FAM107B: variants seen among roughly 807,000 people sequenced by gnomAD.
FAM107B encodes the protein family with sequence similarity 107 member B, also known as protein FAM107B.
FAM107B carries 21 observed loss-of-function variants against 31.5 expected under a neutral mutation model. That is an observed-to-expected ratio of 0.67 (90% CI 0.47 to 0.96). FAM107B has a LOEUF of 0.96. FAM107B is among the 40% of genes least tolerant of loss of function. FAM107B has a pLI of 0.00. For synonymous variants in FAM107B, 157 were observed against 141.5 expected (o/e 1.11, Z -0.78); for missense variants, 452 against 377.1 (o/e 1.20, Z -1.64).
intron 1 of FAM107B, among the ~76,000 whole-genome samples, chr10:14,728,608 G>A (rs954517931): frequency 1.3e-5 from 2 of 152,098 alleles, no homozygotes; most frequent in Non-Finnish European, 2.9e-5. Flanking sequence ...GGGTTGGGAG[G>A]TCATATTGTT....
intron 1 of FAM107B, among the ~76,000 whole-genome samples, chr10:14,727,081 T>C (rs1856052287): frequency 6.6e-6 from 1 of 151,950 alleles, no homozygotes; most frequent in African/African-American, 2.4e-5. Flanking sequence ...CAGTTCACAA[T>C]AGGGTTCACG....
chr10:14,717,797 C>T (rs1027933327), intron 1 of FAM107B, among the ~76,000 whole-genome samples: 1 of 152,112 alleles, frequency 6.6e-6, no homozygotes, highest in African/African-American at 2.4e-5. Flanking sequence ...CTAGGCATTC[C>T]TGAATCCAAT....
intron 1 of FAM107B, among the ~76,000 whole-genome samples, chr10:14,739,489 G>A (rs763218515): frequency 3.3e-5 from 5 of 152,188 alleles, no homozygotes; most frequent in South Asian, 2.1e-4. Context: ...ATAACAGCAC[G>A]TTGGGGAAAC....
chr10:14,551,859 G>A (rs10906695), intron 2 of FAM107B, among the ~76,000 whole-genome samples: 121,769 of 151,886 alleles, frequency 0.8, 49,311 homozygotes, highest in East Asian at 0.89. Context: ...ATTCTCCCCA[G>A]TTCTCCCCCA....
chr10:14,574,315 C>T (rs946875552), intron 2 of FAM107B, among the ~76,000 whole-genome samples: 11 of 152,192 alleles, frequency 7.2e-5, no homozygotes, highest in African/African-American at 2.7e-4. Flanking sequence ...TATAATCTAT[C>T]CAATATCTCA....
chr10:14,575,507 A>G (rs1424862798), intron 2 of FAM107B, among the ~76,000 whole-genome samples: 2 of 152,116 alleles, frequency 1.3e-5, no homozygotes, highest in African/African-American at 4.8e-5. Context: ...CCGGCCAAGA[A>G]GCTTTTCAAT....
chr10:14,688,128 C>T (rs568772982), intron 1 of FAM107B, among the ~76,000 whole-genome samples: 5 of 152,318 alleles, frequency 3.3e-5, no homozygotes, highest in African/African-American at 9.6e-5. Flanking sequence ...TTCCAGCCTT[C>T]GTTTCTCTCC....
chr10:14,723,105 G>T (rs141504873), intron 1 of FAM107B: 6 of 385,636 alleles, frequency 1.6e-5, no homozygotes, highest in Non-Finnish European at 3.0e-5. Flanking sequence ...TTTCTTAAGA[G>T]ATTGATGTTT....
At chr10:14,703,072 C>T (rs866414586) in intron 1 of FAM107B, among the ~76,000 whole-genome samples, 2 of 152,174 alleles carry the variant, frequency 1.3e-5, no homozygotes, top group East Asian at 1.9e-4. Context: ...TATTGCCCCT[C>T]AACCAAAGTA....
At chr10:14,734,299 G>A (rs764510501) in intron 1 of FAM107B, among the ~76,000 whole-genome samples, 7 of 152,016 alleles carry the variant, frequency 4.6e-5, no homozygotes, top group Admixed American at 2.0e-4. Context: ...GAACTGTCCC[G>A]CACCAACTGC....
intron 2 of FAM107B, among the ~76,000 whole-genome samples, chr10:14,589,261 G>C (rs1284605358): frequency 1.3e-5 from 2 of 151,852 alleles, no homozygotes; most frequent in Non-Finnish European, 2.9e-5. Flanking sequence ...CTGTAGGTTG[G>C]CATAGGACAT....
intron 2 of FAM107B, among the ~76,000 whole-genome samples, chr10:14,655,042 T>C (rs550777663): frequency 2.6e-5 from 4 of 152,302 alleles, no homozygotes; most frequent in African/African-American, 7.2e-5. Context: ...TGTACAAGCA[T>C]GGCACCAGCA....
chr10:14,706,322 A>C (rs1271038026), intron 1 of FAM107B, among the ~76,000 whole-genome samples: 1 of 151,938 alleles, frequency 6.6e-6, no homozygotes, highest in African/African-American at 2.4e-5. Context: ...TTTTTAAGAC[A>C]GCTAAAGTAT....
At chr10:14,585,657 G>A (rs974368730) in intron 2 of FAM107B, among the ~76,000 whole-genome samples, 1 of 152,214 alleles carries the variant, frequency 6.6e-6, no homozygotes, top group Non-Finnish European at 1.5e-5. Context: ...AAAGTGTGGC[G>A]CAGAACGTTC....
At chr10:14,699,835 C>G (rs987255263) in intron 1 of FAM107B, among the ~76,000 whole-genome samples, 1 of 152,228 alleles carries the variant, frequency 6.6e-6, no homozygotes, top group East Asian at 1.9e-4. Flanking sequence ...ATTGTCCATC[C>G]TGAAGGTTAG....
intron 2 of FAM107B, among the ~76,000 whole-genome samples, chr10:14,629,516 T>TAAC: frequency 8.6e-6 from 1 of 116,020 alleles, no homozygotes; most frequent in Admixed American, 1.1e-4. Context: ...AATATATATA[T>TAAC]ATATATTTTT....
rs565130346 is a variant in FAM107B, at chr10:14,522,501, C to T, written c.654-482G>A. Among the ~76,000 whole-genome samples, 6 of 152,000 alleles carry T rather than the reference C, an allele frequency of 3.9e-5. No homozygotes were observed. The East Asian group carries it at 5.8e-4, about 15-fold the overall frequency. The stretch of plus-strand genomic sequence containing the variant: ...GGCAATCTAGGCTCAATGCAACCTC[C>T]GCCTCCCAGGTTCAAGCAATTCTCC... On this transcript the variant is annotated intron_variant, in intron 3 of 4. Transcript: ENST00000181796.
At chr10:14,709,918 G>A (rs1338267905) in intron 1 of FAM107B, among the ~76,000 whole-genome samples, 2 of 152,136 alleles carry the variant, frequency 1.3e-5, no homozygotes, top group Non-Finnish European at 2.9e-5. Flanking sequence ...GGGATATAGG[G>A]GGGAGGAGAG....
intron 1 of FAM107B, among the ~76,000 whole-genome samples, chr10:14,673,561 G>C (rs12268738): frequency 6.6e-6 from 1 of 152,092 alleles, no homozygotes; most frequent in Non-Finnish European, 1.5e-5. Flanking sequence ...GGTTGATTCC[G>C]TATCTTTGCT....
Sources: gnomAD v4.1 joint callset for allele counts (sites outside exome capture counted in the v4.1 genomes callset) on GRCh38, gnomAD v4.1.1 for gene constraint, MANE v1.5 for transcripts, NCBI Gene and HGNC (gene_info 2026-07-23, HGNC 2026-07-21) for gene names.